GGTLC2: variants seen among roughly 807,000 people sequenced by gnomAD.
GGTLC2 encodes gamma-glutamyltransferase light chain 2.
In GGTLC2, 13 loss-of-function variants were observed where a neutral mutation model predicts 20.2. That is an observed-to-expected ratio of 0.64 (90% CI 0.42 to 1.02). GGTLC2 has a LOEUF of 1.02. GGTLC2 is among the 50% of genes least tolerant of loss of function. The pLI, the probability that GGTLC2 is intolerant of heterozygous loss-of-function variation, is 0.00. For missense variants in GGTLC2, 202 were observed against 301.3 expected, an observed-to-expected ratio of 0.67 and a Z score of 2.44; for synonymous variants, 89 against 125.5, an observed-to-expected ratio of 0.71 and a Z score of 1.94.
At chr22:22,644,868 G>A (rs1190571167) in intron 1 of GGTLC2, among the ~76,000 whole-genome samples, 160 bp downstream of exon 1, 15 of 84,574 alleles carry the variant, frequency 1.8e-4, no homozygotes, top group South Asian at 7.3e-4. Context: ...CTGGGCAACA[G>A]AGTCAGACTC....
In GGTLC2 at chr22:22,646,462, C is replaced by G. The variant is rs1176004591; in HGVS notation, c.117C>G (p.His39Gln). Residue 39 changes from histidine to glutamine, a missense_variant, in exon 2 of 6, where the codon CAC (histidine) becomes CAG (glutamine). Physicochemically the swap from His to Gln is conservative, Grantham distance 24. Transcript: ENST00000448514. ...CGCCGGTTGATGGGGGCACTGCTCA[C>G]CTGTCTGTCGTCGCAGAGGACGGCA... The part of the protein sequence containing the change: ...FYTPVDGGTA[H>Q]LSVVAEDGSA... The G allele has an allele frequency of 6.5e-7, 1 of 1,542,584 alleles. No homozygotes were observed.
In GGTLC2 at chr22:22,647,124, G is replaced by C. The variant is rs148128345; in HGVS notation, c.361-17G>C. ...TGTGTCACCCCTTTTCTCCCTGGCCGTGCCCACCCTGCACAGCCCCCAAGC... is the reference window on the plus strand; with the variant it reads ...TGTGTCACCCCTTTTCTCCCTGGCCCTGCCCACCCTGCACAGCCCCCAAGC... On this transcript the variant is annotated splice_polypyrimidine_tract_variant and intron_variant, in intron 4 of 5. Coordinates refer to ENST00000448514, the MANE Select transcript of GGTLC2 (RefSeq NM_199127.3). 194 of 1,611,482 alleles carry C rather than the reference G, an allele frequency of 1.2e-4. 2 individuals carry two copies. Among genetic ancestry groups the C allele is most frequent in the South Asian group, 5.7e-4 (52 of 90,904 alleles).
intron 1 of GGTLC2, among the ~76,000 whole-genome samples, chr22:22,645,040 C>T (rs2064004391): frequency 6.9e-6 from 1 of 145,654 alleles, no homozygotes; most frequent in African/African-American, 2.6e-5. Flanking sequence ...CTACAGGCGC[C>T]CGCCACCACA....
At position 22,647,205 on chromosome 22, in the gene GGTLC2, A is replaced by G. The variant is rs1296505970; in HGVS notation, c.425A>G (p.Tyr142Cys). 11 of 1,611,402 alleles carry G rather than the reference A, an allele frequency of 6.8e-6. No individual in the cohort carries two copies. The highest frequency in any genetic ancestry group is 6.7e-5 in the African/African-American group (5 of 74,782). ...QAIIYNLWFG[Y>C]DVKRAVEEPR... ...ATCATCTACAACCTCTGGTTCGGCT[A>G]TGACGTGAAGCGGGCCGTGGAGGAG... Residue 142 changes from tyrosine (Y) to cysteine (C), a missense_variant, in exon 5 of 6, where the codon TAT (tyrosine) becomes TGT (cysteine). Transcript: ENST00000448514.
rs1369608003 is a variant in GGTLC2, at chr22:22,644,887, T to G, written c.-35+179T>G. Among the ~76,000 whole-genome samples, 325 of 68,262 alleles carry G rather than the reference T, an allele frequency of 4.8e-3. 13 individuals carry two copies. Among genetic ancestry groups the G allele is most frequent in the African/African-American group, 0.025 (317 of 12,656 alleles). 44.8% of individuals were successfully genotyped at this position (68,262 alleles called of 152,430 possible). A position where few individuals can be genotyped will look rare whatever the true frequency, so the allele number is the denominator to read the frequency against. ...GCAACAGAGTCAGACTCTCTCTTTT[T>G]TTTTTTTTTTTTTTTTTTTTTGAGA... On this transcript the variant is annotated intron_variant, in intron 1 of 5. Transcript: ENST00000448514.
chr22:22,645,415 T>TA (rs59844305), intron 1 of GGTLC2, among the ~76,000 whole-genome samples: 16,792 of 140,728 alleles, frequency 0.12, 1,079 homozygotes, highest in East Asian at 0.16. Context: ...TTATTTTTTT[T>TA]ATACGTGCAC....
At chr22:22,646,561 G>A (rs560395131) in intron 2 of GGTLC2, 40 bp downstream of exon 2, 1 of 1,434,224 alleles carries the variant, frequency 7.0e-7, no homozygotes, top group Admixed American at 2.0e-5. Flanking sequence ...AAGGGCCAGG[G>A]GCGGGTGGCC....
chr22:22,646,237 G>C, intron 1 of GGTLC2, 75 bp from the exon 2 acceptor site: 2 of 1,465,010 alleles, frequency 1.4e-6, no homozygotes, highest in Non-Finnish European at 1.8e-6. Context: ...GTGCCAGAGG[G>C]TTGTGGTCAG....
In GGTLC2 at chr22:22,645,591, T is replaced by C. The variant is rs947643322; in HGVS notation, c.-34-721T>C. 8.2e-4 allele frequency among the ~76,000 whole-genome samples: 123 copies of C among 150,870 alleles called. 1 individual carries two copies. Among genetic ancestry groups the C allele is most frequent in the African/African-American group, 2.8e-3 (116 of 41,304 alleles). The stretch of plus-strand genomic sequence containing the variant: ...CTGGTTGATACCCACAGCCTCCCCT[T>C]TGGGCTTTATCCTTATCCCCGTCAT... On this transcript the variant is annotated intron_variant, in intron 1 of 5. Transcript: ENST00000448514.
chr22:22,645,603 C>T (rs1233360176), intron 1 of GGTLC2, among the ~76,000 whole-genome samples: 51 of 150,430 alleles, frequency 3.4e-4, no homozygotes, highest in South Asian at 1.9e-3. Context: ...GGGCTTTATC[C>T]TTATCCCCGT....
rs936912180 is a variant in GGTLC2, at chr22:22,647,720, C to T, written c.636C>T (p.Gly212=). ...CAGCTGCCTCGGACTCCAGGAAAGG[C>T]GGGGAGCCTGCCGGCTACTGAGTGC... ...GWAAASDSRK[G]GEPAGY The change falls in exon 6 of 6, where the codon GGC becomes GGT. Residue 212 remains glycine (G), a synonymous_variant. Transcript: ENST00000448514. 1.9e-5 allele frequency: 30 copies of T among 1,601,064 alleles called. No homozygotes were observed. Among genetic ancestry groups the T allele is most frequent in the Middle Eastern group, 2.3e-4 (1 of 4,412 alleles).
At chr22:22,646,023 C>G (rs2064066173) in intron 1 of GGTLC2, 2 of 763,296 alleles carry the variant, frequency 2.6e-6, no homozygotes, top group Non-Finnish European at 3.8e-6. Context: ...CTGTTGATTC[C>G]CCAGTTCCAG....
chr22:22,644,878 CTCTCTTTTTT>C (rs2063985661), intron 1 of GGTLC2, among the ~76,000 whole-genome samples, 170 bp downstream of exon 1: 1 of 72,854 alleles, frequency 1.4e-5, no homozygotes, highest in African/African-American at 7.2e-5. Flanking sequence ...GAGTCAGACT[CTCTCTTTTTT>C]TTTTTTTTTT....
intron 5 of GGTLC2, 88 bp from the exon 6 acceptor site, chr22:22,647,507 C>T: frequency 6.3e-7 from 1 of 1,597,340 alleles, no homozygotes; most frequent in African/African-American, 1.3e-5. Context: ...GAAATGGCAC[C>T]ACCTGGGCTG....
At chr22:22,644,901 T>G (rs1297736784) in intron 1 of GGTLC2, among the ~76,000 whole-genome samples, 193 bp downstream of exon 1, 1 of 86,794 alleles carries the variant, frequency 1.2e-5, no homozygotes, top group Non-Finnish European at 2.2e-5. Context: ...TTTTTTTTTT[T>G]TTTTTTTGAG....
intron 3 of GGTLC2, 32 bp from the exon 4 acceptor site, chr22:22,646,951 C>T (rs555310025): frequency 1.2e-6 from 2 of 1,611,734 alleles, no homozygotes; most frequent in Admixed American, 1.7e-5. Flanking sequence ...AGGCAGCTGA[C>T]GGGCATCCCT....
In GGTLC2 at chr22:22,647,234, C is replaced by A. The variant is rs751418418; in HGVS notation, c.454C>A (p.Arg152=). ...CGTGAAGCGGGCCGTGGAGGAGCCC[C>A]GGCTGCACAACCAGCTTCTGCCCAA... ...YDVKRAVEEP[R]LHNQLLPNVT... is the part of the protein sequence containing the mutation. Residue 152 remains arginine, a synonymous_variant, in exon 5 of 6, where the codon CGG becomes AGG. Transcript: ENST00000448514. 1 of 1,611,198 alleles carries A rather than the reference C, an allele frequency of 6.2e-7. No homozygotes were observed. Among genetic ancestry groups the A allele is most frequent in the South Asian group, 1.1e-5 (1 of 90,950 alleles).
intron 5 of GGTLC2, 76 bp from the exon 6 acceptor site, chr22:22,647,519 G>A (rs2064141901): frequency 6.2e-7 from 1 of 1,603,204 alleles, no homozygotes; most frequent in South Asian, 1.1e-5. Context: ...CCTGGGCTGA[G>A]GCCTGTGACC....
chr22:22,646,962 G>A (rs1333133463), intron 3 of GGTLC2, 21 bp from the exon 4 acceptor site: 1 of 1,611,728 alleles, frequency 6.2e-7, no homozygotes, highest in Non-Finnish European at 8.5e-7. Context: ...GGGCATCCCT[G>A]TCTTCTCCCA....
Sources: allele counts gnomAD v4.1 joint callset (sites outside exome capture counted in the v4.1 genomes callset), GRCh38; gene constraint gnomAD v4.1.1; transcripts MANE v1.5; gene names NCBI Gene and HGNC (gene_info 2026-07-23, HGNC 2026-07-21).